The following ALCAM variants were observed in gnomAD, a reference collection of about 807,000 sequenced individuals.
The protein encoded by ALCAM is CD166 antigen.
A neutral mutation model predicts 70.9 loss-of-function variants in ALCAM; 30 were observed. That is an observed-to-expected ratio of 0.42 (90% CI 0.32 to 0.57). The LOEUF (loss-of-function observed/expected upper bound fraction) is 0.57, where lower values mean the gene tolerates loss of function less well. Among genes scored for constraint, ALCAM ranks in the 20% least tolerant of loss-of-function variants. ALCAM has a pLI of 0.11. For missense variants in ALCAM, 591 were observed against 695.1 expected, an observed-to-expected ratio of 0.85 and a Z score of 1.68; for synonymous variants, 249 against 242.5, an observed-to-expected ratio of 1.03 and a Z score of -0.25.
At chr3:105,383,859 A>T (rs1438550) in intron 1 of ALCAM, among the ~76,000 whole-genome samples, 1 of 151,652 alleles carries the variant, frequency 6.6e-6, no homozygotes, top group African/African-American at 2.4e-5. Context: ...AATTGTAGAC[A>T]TACATTCAAA....
intron 1 of ALCAM, among the ~76,000 whole-genome samples, chr3:105,407,256 G>A (rs1362362092): frequency 2.3e-5 from 2 of 88,596 alleles, no homozygotes; most frequent in East Asian, 1.5e-3. Flanking sequence ...AACAACAACA[G>A]CAACAACAAC....
chr3:105,394,302 G>C (rs1935894986), intron 1 of ALCAM, among the ~76,000 whole-genome samples: 1 of 151,926 alleles, frequency 6.6e-6, no homozygotes, highest in Non-Finnish European at 1.5e-5. Context: ...TGTCTGAGAA[G>C]GACATACATA....
At chr3:105,492,721 T>C (rs1938622352) in intron 1 of ALCAM, among the ~76,000 whole-genome samples, 3 of 152,164 alleles carry the variant, frequency 2.0e-5, no homozygotes, top group African/African-American at 7.2e-5. Context: ...AAATTAGAAA[T>C]GAAAAATGTT....
chr3:105,479,286 C>T (rs907893344), intron 1 of ALCAM, among the ~76,000 whole-genome samples: 1 of 151,986 alleles, frequency 6.6e-6, no homozygotes, highest in Non-Finnish European at 1.5e-5. Context: ...AAAAACCTTA[C>T]CAAAATGAGG....
intron 1 of ALCAM, among the ~76,000 whole-genome samples, chr3:105,386,100 T>C (rs1354481652): frequency 6.6e-6 from 1 of 151,618 alleles, no homozygotes; most frequent in African/African-American, 2.4e-5. Flanking sequence ...CATCTGCTTC[T>C]CTTCACCCAA....
At chr3:105,389,109 A>G (rs953692739) in intron 1 of ALCAM, among the ~76,000 whole-genome samples, 1 of 151,586 alleles carries the variant, frequency 6.6e-6, no homozygotes, top group Non-Finnish European at 1.5e-5. Context: ...AATGTTAGCT[A>G]TTTATTATTT....
chr3:105,543,095 C>G (rs918753998), intron 8 of ALCAM, among the ~76,000 whole-genome samples: 8 of 151,562 alleles, frequency 5.3e-5, no homozygotes, highest in African/African-American at 1.9e-4. Context: ...TAATCTAGTG[C>G]CTTAGAGATG....
chr3:105,517,183 C>T (rs1055336471), intron 1 of ALCAM, among the ~76,000 whole-genome samples: 2 of 152,068 alleles, frequency 1.3e-5, no homozygotes, highest in African/African-American at 4.8e-5. Flanking sequence ...CCCACAGATG[C>T]AAGCCTTCAG....
At chr3:105,501,216 G>A (rs1938911732) in intron 1 of ALCAM, among the ~76,000 whole-genome samples, 2 of 152,174 alleles carry the variant, frequency 1.3e-5, no homozygotes, top group African/African-American at 4.8e-5. Flanking sequence ...AATAGTGAGA[G>A]AAAAGATAAA....
At chr3:105,537,424 C>T (rs564775994) in intron 6 of ALCAM, among the ~76,000 whole-genome samples, 1 of 152,232 alleles carries the variant, frequency 6.6e-6, no homozygotes, top group Admixed American at 6.5e-5. Flanking sequence ...ACAAAAACTT[C>T]TCAGTGACTC....
chr3:105,467,168 G>T (rs1937764076), intron 1 of ALCAM, among the ~76,000 whole-genome samples: 1 of 151,176 alleles, frequency 6.6e-6, no homozygotes, highest in South Asian at 2.1e-4. Context: ...TATGAAAAGT[G>T]CCTAGAAACC....
At chr3:105,395,713 G>A (rs762642846) in intron 1 of ALCAM, among the ~76,000 whole-genome samples, 7 of 151,986 alleles carry the variant, frequency 4.6e-5, no homozygotes, top group Non-Finnish European at 7.4e-5. Flanking sequence ...GCTATAGTAA[G>A]ATATGCATCT....
At chr3:105,516,532 A>T (rs1576214997) in intron 1 of ALCAM, among the ~76,000 whole-genome samples, 1 of 151,970 alleles carries the variant, frequency 6.6e-6, no homozygotes, top group Admixed American at 6.6e-5. Context: ...CTTCTATGTA[A>T]CCTTTGTAAT....
At chr3:105,552,657 C>T (rs1419294599) in intron 14 of ALCAM, 72 bp downstream of exon 14, 1 of 1,606,898 alleles carries the variant, frequency 6.2e-7, no homozygotes, top group Non-Finnish European at 8.5e-7. Flanking sequence ...GCTAATTTTG[C>T]TCACTCCAGT....
At chr3:105,560,519 A>C (rs1940609520) in intron 14 of ALCAM, among the ~76,000 whole-genome samples, 1 of 152,152 alleles carries the variant, frequency 6.6e-6, no homozygotes, top group Admixed American at 6.5e-5. Flanking sequence ...TCTTTTGATA[A>C]GCAGAAATTA....
intron 1 of ALCAM, among the ~76,000 whole-genome samples, chr3:105,412,543 C>T (rs1936415974): frequency 3.9e-5 from 6 of 151,978 alleles, no homozygotes; most frequent in Admixed American, 3.9e-4. Context: ...TGTATTTGCA[C>T]TTTTGCGTTT....
intron 1 of ALCAM, among the ~76,000 whole-genome samples, chr3:105,508,177 C>T (rs1939134000): frequency 6.6e-6 from 1 of 152,086 alleles, no homozygotes. Context: ...GTCCTTCTAA[C>T]CTATATGTTT....
chr3:105,552,333 T>A (rs1276178479), intron 13 of ALCAM, 135 bp from the exon 14 acceptor site: 4 of 1,305,378 alleles, frequency 3.1e-6, no homozygotes, highest in Non-Finnish European at 4.3e-6. Flanking sequence ...ATTTTACCCT[T>A]TAAAAATCAC....
intron 1 of ALCAM, among the ~76,000 whole-genome samples, chr3:105,393,674 A>G (rs1935878985): frequency 6.6e-6 from 1 of 152,024 alleles, no homozygotes; most frequent in Non-Finnish European, 1.5e-5. Flanking sequence ...GTTTAACCTT[A>G]TGTCTGACTT....
Sources: gnomAD v4.1 joint callset for allele counts (sites outside exome capture counted in the v4.1 genomes callset) on GRCh38, gnomAD v4.1.1 for gene constraint, MANE v1.5 for transcripts, NCBI Gene and HGNC (gene_info 2026-07-23, HGNC 2026-07-21) for gene names.